BCAS1: variants seen among roughly 807,000 people sequenced by gnomAD.
BCAS1 encodes breast carcinoma-amplified sequence 1.
A neutral mutation model predicts 65.4 loss-of-function variants in BCAS1; 46 were observed. The ratio of observed to expected loss-of-function variants is 0.70; its 90% CI spans 0.55 to 0.90. BCAS1 has a LOEUF of 0.90. BCAS1 is among the 40% of genes least tolerant of loss of function. The pLI, the probability that BCAS1 is intolerant of heterozygous loss-of-function variation, is 0.00. For synonymous variants in BCAS1, 298 were observed against 293.5 expected (o/e 1.02, Z -0.16); for missense variants, 793 against 771.2 (o/e 1.03, Z -0.33).
chr20:54,029,084 GT>G (rs1285858402), intron 3 of BCAS1, 112 bp from the exon 4 acceptor site: 1 of 1,450,390 alleles, frequency 6.9e-7, no homozygotes, highest in Non-Finnish European at 9.0e-7. Context: ...CTGGAACTGT[GT>G]TGTTCTCTGG....
At chr20:54,024,023 AAGTACTT>A (rs1263880864) in intron 4 of BCAS1, among the ~76,000 whole-genome samples, 1 of 152,208 alleles carries the variant, frequency 6.6e-6, no homozygotes, top group East Asian at 1.9e-4. Flanking sequence ...AATTTGTGCT[AAGTACTT>A]TATATGGCCT....
At chr20:53,957,617 G>C in intron 10 of BCAS1, 120 bp from the exon 11 acceptor site, 1 of 860,430 alleles carries the variant, frequency 1.2e-6, no homozygotes, top group East Asian at 2.4e-5. Context: ...CAAGACAAAT[G>C]GAAGGCCAAC....
Position 54,028,650 on chromosome 20 carries a change from C to G in BCAS1, c.465G>C (p.Gly155=). 1.2e-6 allele frequency: 2 copies of G among 1,614,210 alleles called. No homozygotes were observed. Among genetic ancestry groups the G allele is most frequent in the Non-Finnish European group, 1.7e-6 (2 of 1,180,026 alleles). The change falls in exon 4 of 13, where the codon GGG becomes GGC. Residue 155 remains glycine (G), a synonymous_variant. Coordinates refer to ENST00000688948, the MANE Select transcript of BCAS1 (RefSeq NM_001366298.2). ...GPGQDTDKTP[G]HAPAQDKVLS... is the part of the protein sequence containing the mutation. ...GGACCTTGTCTTGGGCCGGGGCGTG[C>G]CCTGGGGTTTTATCTGTGTCCTGCC...
chr20:53,966,878 T>C (rs375179315), intron 10 of BCAS1, 28 bp downstream of exon 10: 4 of 1,574,560 alleles, frequency 2.5e-6, no homozygotes, highest in Non-Finnish European at 3.4e-6. Flanking sequence ...GTATCTTAGG[T>C]TTCCTATACT....
chr20:54,044,784 G>A (rs2092067375), intron 3 of BCAS1, among the ~76,000 whole-genome samples: 1 of 149,236 alleles, frequency 6.7e-6, no homozygotes, highest in African/African-American at 2.5e-5. Flanking sequence ...GTTGCAGTGA[G>A]CTGAGATCAT....
Position 53,985,440 on chromosome 20 carries a change from T to C in BCAS1, c.1122A>G (p.Thr374=). The C allele has an allele frequency of 6.2e-7, 1 of 1,614,038 alleles. No homozygotes were observed. Among genetic ancestry groups the C allele is most frequent in the Non-Finnish European group, 8.5e-7 (1 of 1,179,972 alleles). Residue 374 remains threonine (T), a synonymous_variant, in exon 8 of 13, where the codon ACA becomes ACG. Transcript: ENST00000688948. ...TGCCAGCCCCTTGGGTCTCCTGGGA[T>C]GTAAAGTTGGCTTTGTCTGACTTAA... ...ADLKSDKANF[T]SQETQGAGKN... is the part of the protein sequence containing the mutation.
At chr20:54,020,760 A>G (rs1316611972) in intron 4 of BCAS1, among the ~76,000 whole-genome samples, 1 of 152,272 alleles carries the variant, frequency 6.6e-6, no homozygotes, top group Non-Finnish European at 1.5e-5. Flanking sequence ...TGTGATCATT[A>G]GCAGATTTAA....
intron 4 of BCAS1, among the ~76,000 whole-genome samples, chr20:54,003,527 A>G (rs975452623): frequency 1.1e-4 from 16 of 152,214 alleles, no homozygotes; most frequent in African/African-American, 3.9e-4. Context: ...TACTTAGATT[A>G]TGCACTTAGA....
chr20:54,026,027 A>G (rs2091665731), intron 4 of BCAS1, among the ~76,000 whole-genome samples: 1 of 152,216 alleles, frequency 6.6e-6, no homozygotes, highest in Non-Finnish European at 1.5e-5. Flanking sequence ...TCTCATGTAC[A>G]TAGTACAAAG....
chr20:53,990,144 T>G (rs888589389), intron 7 of BCAS1, among the ~76,000 whole-genome samples: 1 of 152,126 alleles, frequency 6.6e-6, no homozygotes, highest in African/African-American at 2.4e-5. Context: ...GAATGAATGG[T>G]AGAGCTTATA....
At chr20:54,053,646 C>G (rs1317646226) in intron 3 of BCAS1, among the ~76,000 whole-genome samples, 1 of 152,236 alleles carries the variant, frequency 6.6e-6, no homozygotes. Flanking sequence ...TTACCACATG[C>G]CAGACACTGT....
At chr20:54,027,120 T>G (rs989104926) in intron 4 of BCAS1, among the ~76,000 whole-genome samples, 4 of 152,214 alleles carry the variant, frequency 2.6e-5, no homozygotes, top group African/African-American at 7.2e-5. Context: ...AGTGGGTGTT[T>G]GAAGGGAAAA....
intron 1 of BCAS1, among the ~76,000 whole-genome samples, chr20:54,062,640 T>A (rs462703): frequency 0.63 from 96,202 of 152,122 alleles, 31,205 homozygotes; most frequent in African/African-American, 0.76. Context: ...AAAACCTTGG[T>A]GCTGGAAGAC....
chr20:53,984,454 G>C (rs879618742), intron 8 of BCAS1, among the ~76,000 whole-genome samples: 3 of 152,170 alleles, frequency 2.0e-5, no homozygotes, highest in Non-Finnish European at 4.4e-5. Context: ...TCTGGACGAC[G>C]GAGTAAAGCT....
Position 53,957,144 on chromosome 20 carries a change from T to A in BCAS1, c.1551+288A>T, listed in dbSNP as rs117372744. Among the ~76,000 whole-genome samples the A allele has an allele frequency of 1.7e-3, 259 of 152,338 alleles. 8 individuals carry two copies. The East Asian group carries it at 0.041, about 24-fold the overall frequency. ...GAGAGGCAGATATGGAAGGTCTTTT[T>A]GAAGAGGTGACATTTATGGCAAAAA... On this transcript the variant is annotated intron_variant, in intron 11 of 12. Coordinates refer to ENST00000688948, the MANE Select transcript of BCAS1 (RefSeq NM_001366298.2).
At position 53,992,145 on chromosome 20, in the gene BCAS1, G is replaced by A. The variant is rs75055760; in HGVS notation, c.1062+367C>T. Among the ~76,000 whole-genome samples, 387 of 137,190 alleles carry A rather than the reference G, an allele frequency of 2.8e-3. 8 individuals carry two copies. The South Asian group carries it at 0.04, about 14-fold the overall frequency. 90.0% of individuals were successfully genotyped at this position (137,190 alleles called of 152,430 possible). The stretch of plus-strand genomic sequence containing the variant: ...TCTGATTTTCTATATATGATATAAA[G>A]TTTCTTTTAAAGATACAATTTAAAT... On this transcript the variant is annotated intron_variant, in intron 7 of 12. Coordinates refer to ENST00000688948, the MANE Select transcript of BCAS1 (RefSeq NM_001366298.2).
In BCAS1 at chr20:53,975,407, G is replaced by T. The variant is rs370717856; in HGVS notation, c.1299C>A (p.Pro433=). Residue 433 remains proline (P), a synonymous_variant, in exon 9 of 13, where the codon CCC becomes CCA. Transcript: ENST00000688948. The part of the protein sequence containing the change: ...WKKSVKEDSV[P]TGAEENVVCE... ...AACTTACATTCTCCTCCGCACCTGTGGGGACTGAGTCCTCTTTAACTGACT... is the reference window on the plus strand; with the variant it reads ...AACTTACATTCTCCTCCGCACCTGTTGGGACTGAGTCCTCTTTAACTGACT... 1.9e-6 allele frequency: 3 copies of T among 1,612,370 alleles called. No homozygotes were observed. Among genetic ancestry groups the T allele is most frequent in the Non-Finnish European group, 1.7e-6 (2 of 1,178,878 alleles).
intron 4 of BCAS1, among the ~76,000 whole-genome samples, chr20:54,005,208 C>A (rs1051267579): frequency 6.8e-6 from 1 of 146,918 alleles, no homozygotes; most frequent in African/African-American, 2.5e-5. Flanking sequence ...GTAATCCCAG[C>A]AATTTGGGAG....
At chr20:53,995,717 A>C (rs1204326782) in intron 5 of BCAS1, among the ~76,000 whole-genome samples, 175 bp downstream of exon 5, 1 of 152,184 alleles carries the variant, frequency 6.6e-6, no homozygotes, top group East Asian at 1.9e-4. Flanking sequence ...TCTTGCTAAA[A>C]GTCTGATATA....
Sources: allele counts gnomAD v4.1 joint callset (sites outside exome capture counted in the v4.1 genomes callset), GRCh38; gene constraint gnomAD v4.1.1; transcripts MANE v1.5; gene names NCBI Gene and HGNC (gene_info 2026-07-23, HGNC 2026-07-21).